The following KIAA1328 variants were observed in gnomAD, a reference collection of about 807,000 sequenced individuals.
KIAA1328 encodes protein hinderin.
KIAA1328 carries 52 observed loss-of-function variants against 68.1 expected under a neutral mutation model. The ratio of observed to expected loss-of-function variants is 0.76; its 90% CI spans 0.61 to 0.96. The LOEUF (loss-of-function observed/expected upper bound fraction) is 0.96, where lower values mean the gene tolerates loss of function less well. KIAA1328 is among the 40% of genes least tolerant of loss of function. KIAA1328 has a pLI of 0.00. For missense variants in KIAA1328, 641 were observed against 677.6 expected (o/e 0.95, Z 0.60); for synonymous variants, 232 against 239.4 (o/e 0.97, Z 0.28).
intron 8 of KIAA1328, among the ~76,000 whole-genome samples, chr18:37,166,649 GT>G (rs2059395283): frequency 6.6e-6 from 1 of 152,112 alleles, no homozygotes; most frequent in Admixed American, 6.5e-5. Context: ...TCAAGGGATT[GT>G]TTCTCTGTTT....
chr18:37,156,877 T>G (rs1335788627), intron 7 of KIAA1328, among the ~76,000 whole-genome samples: 2 of 152,028 alleles, frequency 1.3e-5, no homozygotes, highest in Non-Finnish European at 2.9e-5. Flanking sequence ...GAAGAATCTG[T>G]TTAGAAATCG....
At chr18:37,090,408 G>A (rs1191867606) in intron 7 of KIAA1328, among the ~76,000 whole-genome samples, 3 of 152,162 alleles carry the variant, frequency 2.0e-5, no homozygotes, top group South Asian at 2.1e-4. Context: ...TCTAAAATTA[G>A]TGGGCATTTT....
chr18:37,197,649 C>T (rs1201107243), intron 9 of KIAA1328, among the ~76,000 whole-genome samples: 1 of 152,126 alleles, frequency 6.6e-6, no homozygotes, highest in African/African-American at 2.4e-5. Flanking sequence ...ATCTTCCTCT[C>T]TGCAGAATAC....
At chr18:37,134,026 T>A (rs1463201066) in intron 7 of KIAA1328, among the ~76,000 whole-genome samples, 1 of 152,074 alleles carries the variant, frequency 6.6e-6, no homozygotes, top group Middle Eastern at 3.4e-3. Flanking sequence ...ATTCTTTTTT[T>A]TTTTTGAGAT....
Position 37,160,181 on chromosome 18 carries a change from T to C in KIAA1328, c.1233-19T>C, listed in dbSNP as rs1312683452. The C allele has an allele frequency of 1.9e-6, 3 of 1,600,752 alleles. No individual in the cohort carries two copies. The highest frequency in any genetic ancestry group is 2.6e-6 in the Non-Finnish European group (3 of 1,172,678). ...TCCCTTCTGTGCCTTCAACAGTTCATTCATCGTTGTTCTTTCAGTTTATTG... is the reference window on the plus strand; with the variant it reads ...TCCCTTCTGTGCCTTCAACAGTTCACTCATCGTTGTTCTTTCAGTTTATTG... On this transcript the variant is annotated intron_variant, in intron 7 of 9. Transcript: ENST00000280020.
chr18:37,066,743 T>C (rs2151732629), intron 6 of KIAA1328, 147 bp from the exon 7 acceptor site: 1 of 703,618 alleles, frequency 1.4e-6, no homozygotes, highest in East Asian at 2.8e-5. Context: ...CAAGTCTGTT[T>C]AGCTGTGTGA....
At chr18:37,117,938 A>G (rs757042718) in intron 7 of KIAA1328, among the ~76,000 whole-genome samples, 2 of 151,160 alleles carry the variant, frequency 1.3e-5, no homozygotes, top group Non-Finnish European at 2.9e-5. Flanking sequence ...AGAATTACTT[A>G]TAGCTCTTAT....
chr18:37,097,315 T>A (rs1037991344), intron 7 of KIAA1328, among the ~76,000 whole-genome samples: 16 of 152,092 alleles, frequency 1.1e-4, no homozygotes, highest in Non-Finnish European at 2.1e-4. Context: ...TCCCAGCACT[T>A]TTTATTAAAT....
At chr18:37,020,052 G>C (rs2054288023) in intron 6 of KIAA1328, among the ~76,000 whole-genome samples, 2 of 152,304 alleles carry the variant, frequency 1.3e-5, no homozygotes, top group Non-Finnish European at 2.9e-5. Flanking sequence ...TTTGCACGAA[G>C]ATCTCTGCAC....
intron 9 of KIAA1328, among the ~76,000 whole-genome samples, chr18:37,186,740 A>G (rs920453595): frequency 6.6e-6 from 1 of 152,170 alleles, no homozygotes; most frequent in African/African-American, 2.4e-5. Context: ...ATGACTTACC[A>G]TGAAAGAAAG....
chr18:37,115,300 A>C (rs1044915016), intron 7 of KIAA1328, among the ~76,000 whole-genome samples: 19 of 152,198 alleles, frequency 1.2e-4, no homozygotes, highest in Non-Finnish European at 2.5e-4. Context: ...GCAGCACATC[A>C]AAAAGCTTAT....
At chr18:37,020,817 G>A (rs188877024) in intron 6 of KIAA1328, among the ~76,000 whole-genome samples, 4 of 152,288 alleles carry the variant, frequency 2.6e-5, no homozygotes, top group Admixed American at 6.5e-5. Flanking sequence ...ACATACGCAC[G>A]TAGGAATGAC....
At chr18:37,214,560 G>A (rs1250323271) in intron 9 of KIAA1328, among the ~76,000 whole-genome samples, 1 of 152,126 alleles carries the variant, frequency 6.6e-6, no homozygotes, top group Non-Finnish European at 1.5e-5. Flanking sequence ...TAGCCTTGTA[G>A]TATAGTTTGA....
chr18:37,122,134 G>A (rs939177984), intron 7 of KIAA1328, among the ~76,000 whole-genome samples: 1 of 152,054 alleles, frequency 6.6e-6, no homozygotes, highest in African/African-American at 2.4e-5. Context: ...AGTCTGCAAT[G>A]GAGACTAATA....
At chr18:37,064,387 A>G (rs2056267677) in intron 6 of KIAA1328, among the ~76,000 whole-genome samples, 1 of 152,170 alleles carries the variant, frequency 6.6e-6, no homozygotes, top group Non-Finnish European at 1.5e-5. Flanking sequence ...ATTTGCAACT[A>G]TTGCGAAATA....
At chr18:37,000,587 T>C (rs1422373183) in intron 6 of KIAA1328, among the ~76,000 whole-genome samples, 1 of 151,926 alleles carries the variant, frequency 6.6e-6, no homozygotes, top group East Asian at 1.9e-4. Context: ...GGATAGACCA[T>C]ATGTTAGGCC....
At chr18:36,914,824 C>G (rs2049620098) in intron 5 of KIAA1328, among the ~76,000 whole-genome samples, 1 of 152,014 alleles carries the variant, frequency 6.6e-6, no homozygotes, top group African/African-American at 2.4e-5. Context: ...AAAAATAGCA[C>G]CATTTATGAT....
At chr18:37,229,808 C>G (rs1455927788), downstream of KIAA1328, 1 of 180,038 alleles carries the variant, frequency 5.6e-6, no homozygotes, top group African/African-American at 2.4e-5. Context: ...ATCACTTGAA[C>G]CCGGGAGGCG....
chr18:37,044,482 G>A (rs2055384604), intron 6 of KIAA1328, among the ~76,000 whole-genome samples: 1 of 152,080 alleles, frequency 6.6e-6, no homozygotes, highest in African/African-American at 2.4e-5. Flanking sequence ...GCTTGTGTGG[G>A]AAATGATATT....
Sources: allele counts gnomAD v4.1 joint callset (sites outside exome capture counted in the v4.1 genomes callset), GRCh38; gene constraint gnomAD v4.1.1; transcripts MANE v1.5; gene names NCBI Gene and HGNC (gene_info 2026-07-23, HGNC 2026-07-21).